Variants in NMRAL1 observed in about 807,000 individuals in gnomAD.
NMRAL1 encodes nmrA-like family domain-containing protein 1.
In NMRAL1, 32 loss-of-function variants were observed where a neutral mutation model predicts 27.5. The ratio of observed to expected loss-of-function variants is 1.16; its 90% CI spans 0.88 to 1.56. The LOEUF is 1.56. Among genes scored for constraint, NMRAL1 ranks in the 40% most tolerant of loss-of-function variants. The probability of loss-of-function intolerance (pLI) is 0.00; values close to 1 mark genes in which losing one functional copy is unlikely to be tolerated. For synonymous variants in NMRAL1, 166 were observed against 166.8 expected, an observed-to-expected ratio of 1.00 and a Z score of 0.04; for missense variants, 420 against 392.0, an observed-to-expected ratio of 1.07 and a Z score of -0.60.
At chr16:4,462,122 C>G (rs557105018) in intron 5 of NMRAL1, among the ~76,000 whole-genome samples, 163 bp from the exon 6 acceptor site, 1 of 152,346 alleles carries the variant, frequency 6.6e-6, no homozygotes, top group East Asian at 1.9e-4. Context: ...TTGAAAACTT[C>G]TAAGAGCCGA....
upstream of NMRAL1, chr16:4,476,280 G>T (rs887393600): frequency 6.6e-6 from 1 of 152,304 alleles, no homozygotes; most frequent in East Asian, 1.9e-4. Flanking sequence ...GAGACCTGGG[G>T]AAAGCCACAT....
Position 4,469,274 on chromosome 16 carries a change from C to A in NMRAL1, c.232G>T (p.Val78Leu), listed in dbSNP as rs140164470. Reference protein sequence around the residue: ...ALNGAYATFIVTNYWESCSQE... With the variant: ...ALNGAYATFILTNYWESCSQE... Reference sequence around the variant, plus strand: ...CTGCAGCTCTCCCAGTAATTGGTCACGATGAAGGTGGCGTAAGCCCCATTC... The same window carrying A: ...CTGCAGCTCTCCCAGTAATTGGTCAAGATGAAGGTGGCGTAAGCCCCATTC... The change falls in exon 3 of 6, where the codon GTG becomes TTG. Residue 78 changes from valine to leucine, a missense_variant. Transcript: ENST00000283429. 1 of 1,614,010 alleles carries A rather than the reference C, an allele frequency of 6.2e-7. No homozygotes were observed. Among genetic ancestry groups the A allele is most frequent in the African/African-American group, 1.3e-5 (1 of 74,914 alleles).
intron 4 of NMRAL1, among the ~76,000 whole-genome samples, chr16:4,464,409 A>C (rs2057234044): frequency 6.6e-6 from 1 of 152,126 alleles, no homozygotes; most frequent in Admixed American, 6.6e-5. Context: ...ATAAATCCTG[A>C]ATGAATGAAT....
upstream of NMRAL1, chr16:4,475,033 C>G (rs2057776893): frequency 6.6e-6 from 1 of 152,066 alleles, no homozygotes; most frequent in African/African-American, 2.4e-5. Flanking sequence ...CTTACTGCAA[C>G]CTCCGCCCCC....
chr16:4,465,510 A>T lies in NMRAL1; in HGVS notation c.529+643T>A, dbSNP rs116513352. On this transcript the variant is annotated intron_variant, in intron 4 of 5. Transcript: ENST00000283429. ...GCTTTCCTAGTTTGTGAAATCTGCA[A>T]CTGAACTTCATTTTCCAAATCCTCT... Among the ~76,000 whole-genome samples the T allele has an allele frequency of 4.1e-3, 631 of 152,330 alleles. 4 individuals carry two copies. The highest frequency in any genetic ancestry group is 0.015 in the African/African-American group (603 of 41,580).
chr16:4,476,038 T>C (rs376809712), upstream of NMRAL1: 11 of 152,074 alleles, frequency 7.2e-5, no homozygotes, highest in East Asian at 1.5e-3. Context: ...GGTGTCAGAG[T>C]TGAGACTCAG....
At chr16:4,475,282 G>T (rs147765960), upstream of NMRAL1, among the ~76,000 whole-genome samples, 230 of 151,096 alleles carry the variant, frequency 1.5e-3, 4 homozygotes, top group African/African-American at 5.4e-3. Context: ...GCTGCTACTT[G>T]CACTGATTTC....
chr16:4,471,864 C>T (rs776108699), intron 2 of NMRAL1, among the ~76,000 whole-genome samples: 2 of 151,824 alleles, frequency 1.3e-5, no homozygotes, highest in Non-Finnish European at 2.9e-5. Context: ...TGCTTGAGGC[C>T]AGGAGTTTGA....
chr16:4,472,776 A>G (rs1161899945), intron 2 of NMRAL1, among the ~76,000 whole-genome samples: 1 of 151,526 alleles, frequency 6.6e-6, no homozygotes, highest in African/African-American at 2.4e-5. Flanking sequence ...AAGCCCGGAC[A>G]CACACTACAA....
At chr16:4,468,837 C>T (rs2057432738) in intron 3 of NMRAL1, among the ~76,000 whole-genome samples, 1 of 151,938 alleles carries the variant, frequency 6.6e-6, no homozygotes, top group Non-Finnish European at 1.5e-5. Flanking sequence ...GTGCCCACTA[C>T]CTGGGTGACA....
chr16:4,469,194 C>G, intron 3 of NMRAL1, 33 bp downstream of exon 3: 1 of 1,504,032 alleles, frequency 6.6e-7, no homozygotes. Flanking sequence ...CCTAGCCTGG[C>G]CGGGCCTCCC....
At chr16:4,464,115 T>C (rs2057222534) in intron 4 of NMRAL1, 1 of 521,342 alleles carries the variant, frequency 1.9e-6, no homozygotes, top group African/African-American at 2.0e-5. Context: ...ATTCCTAGAA[T>C]GGGGCTAAGA....
At chr16:4,472,681 T>A (rs538654637) in intron 2 of NMRAL1, among the ~76,000 whole-genome samples, 7 of 150,252 alleles carry the variant, frequency 4.7e-5, no homozygotes, top group African/African-American at 1.7e-4. Context: ...GTGGCAGAAG[T>A]TGCAGTGAGC....
At chr16:4,466,123 G>A in intron 4 of NMRAL1, 30 bp downstream of exon 4, 1 of 1,612,618 alleles carries the variant, frequency 6.2e-7, no homozygotes, top group Non-Finnish European at 8.5e-7. Flanking sequence ...TGAGAGCTCT[G>A]CCTCACCGTG....
At chr16:4,475,773 T>C (rs575301110), upstream of NMRAL1, among the ~76,000 whole-genome samples, 62 of 151,912 alleles carry the variant, frequency 4.1e-4, no homozygotes, top group African/African-American at 1.4e-3. Context: ...CCCCCGTCTC[T>C]ACTAAAAATA....
At chr16:4,462,005 G>A (rs754135251) in intron 5 of NMRAL1, 46 bp from the exon 6 acceptor site, 21 of 1,532,114 alleles carry the variant, frequency 1.4e-5, no homozygotes, top group Admixed American at 5.5e-5. Context: ...CCAGTGCCCC[G>A]GGAGGTGGCG....
intron 2 of NMRAL1, among the ~76,000 whole-genome samples, chr16:4,473,857 C>CA (rs2057703592): frequency 6.6e-6 from 1 of 151,334 alleles, no homozygotes; most frequent in South Asian, 2.1e-4. Context: ...ACCCGGGAGG[C>CA]AAAGGTTGCA....
Position 4,466,246 on chromosome 16 carries a change from G to T in NMRAL1, c.436C>A (p.Pro146Thr), listed in dbSNP as rs1487050249. ...VEEYFRDIGV[P>T]MTSVRLPCYF... ...CAGGGCAGCCGCACACTGGTCATGG[G>T]AACGCCAATGTCCCGGAAATATTCC... Residue 146 changes from proline (P) to threonine (T), a missense_variant, in exon 4 of 6, where the codon CCC becomes ACC. Pro to Thr is a conservative substitution (Grantham distance 38). Coordinates refer to ENST00000283429, the MANE Select transcript of NMRAL1 (RefSeq NM_020677.6). 1 of 1,614,020 alleles carries T rather than the reference G, an allele frequency of 6.2e-7. No homozygotes were observed. The highest frequency in any genetic ancestry group is 8.5e-7 in the Non-Finnish European group (1 of 1,180,042).
At chr16:4,463,563 A>ACTGCCCAGAGGTGTGGG in intron 5 of NMRAL1, 97 bp downstream of exon 5, 1 of 936,802 alleles carries the variant, frequency 1.1e-6, no homozygotes, top group East Asian at 2.6e-5. Context: ...ATTTAGATGT[A>ACTGCCCAGAGGTGTGGG]CTGCCCAGAG....
Sources: gnomAD v4.1 joint callset for allele counts (sites outside exome capture counted in the v4.1 genomes callset) on GRCh38, gnomAD v4.1.1 for gene constraint, MANE v1.5 for transcripts, NCBI Gene and HGNC (gene_info 2026-07-23, HGNC 2026-07-21) for gene names.